Variants in IFT52 observed in about 807,000 individuals in gnomAD.
The protein encoded by IFT52 is intraflagellar transport protein 52 homolog.
In IFT52, 44 loss-of-function variants were observed where a neutral mutation model predicts 54.4. The ratio of observed to expected loss-of-function variants is 0.81; its 90% confidence interval spans 0.63 to 1.04. The LOEUF (loss-of-function observed/expected upper bound fraction) is 1.04. Among genes scored for constraint, IFT52 ranks in the 50% least tolerant of loss-of-function variants. IFT52 has a pLI of 0.00. For synonymous variants in IFT52, 181 were observed against 185.3 expected, an observed-to-expected ratio of 0.98 and a Z score of 0.19; for missense variants, 452 against 523.6, an observed-to-expected ratio of 0.86 and a Z score of 1.33.
At chr20:43,617,735 C>T (rs1042020122) in intron 7 of IFT52, among the ~76,000 whole-genome samples, 4 of 152,034 alleles carry the variant, frequency 2.6e-5, no homozygotes, top group Admixed American at 2.6e-4. Context: ...TGAGCCACTG[C>T]GCCCAGCCTT....
intron 1 of IFT52, among the ~76,000 whole-genome samples, chr20:43,592,346 A>T (rs1278657501): frequency 6.6e-6 from 1 of 152,074 alleles, no homozygotes; most frequent in Non-Finnish European, 1.5e-5. Flanking sequence ...AAGGAAAAAA[A>T]AAAGGAATGA....
chr20:43,646,963 G>A lies in IFT52; in HGVS notation c.1294G>A (p.Ala432Thr). 3 of 1,613,794 alleles carry A rather than the reference G, an allele frequency of 1.9e-6. No individual in the cohort carries two copies. The highest frequency in any genetic ancestry group is 2.5e-6 in the Non-Finnish European group (3 of 1,179,762). Reference sequence around the variant, plus strand: ...ACATGACATCGATACAAGTGAAACAGCATTCCAGAACAATTTCTGAAGACC... The same window carrying A: ...ACATGACATCGATACAAGTGAAACAACATTCCAGAACAATTTCTGAAGACC... Reference protein sequence around the residue: ...QEHDIDTSETAFQNNF With the variant: ...QEHDIDTSETTFQNNF Residue 432 changes from alanine (A) to threonine (T), a missense_variant, in exon 14 of 14, where the codon GCA becomes ACA. Physicochemically the swap from Ala to Thr is moderately conservative, Grantham distance 58. Transcript: ENST00000373030.
At chr20:43,610,392 G>T (rs530653554) in intron 6 of IFT52, among the ~76,000 whole-genome samples, 2 of 151,918 alleles carry the variant, frequency 1.3e-5, no homozygotes, top group Non-Finnish European at 2.9e-5. Flanking sequence ...TCATAAGGGG[G>T]AATATGTATA....
intron 9 of IFT52, among the ~76,000 whole-genome samples, chr20:43,621,938 T>C (rs1984331434): frequency 1.3e-5 from 2 of 152,260 alleles, no homozygotes; most frequent in African/African-American, 2.4e-5. Context: ...CATGGTCTTA[T>C]TCTCATTTTA....
intron 1 of IFT52, among the ~76,000 whole-genome samples, chr20:43,592,034 T>G (rs1264124626): frequency 6.6e-6 from 1 of 152,102 alleles, no homozygotes; most frequent in Non-Finnish European, 1.5e-5. Context: ...TGAATTGGGG[T>G]CAGGCAGCTT....
chr20:43,598,184 GAC>G (rs996405925), intron 3 of IFT52, among the ~76,000 whole-genome samples: 7 of 152,136 alleles, frequency 4.6e-5, no homozygotes, highest in African/African-American at 1.7e-4. Flanking sequence ...AAATAAGGCA[GAC>G]ACAAAAAGAC....
chr20:43,626,654 A>T (rs1358520737), intron 10 of IFT52, among the ~76,000 whole-genome samples: 1 of 150,482 alleles, frequency 6.6e-6, no homozygotes, highest in Non-Finnish European at 1.5e-5. Flanking sequence ...ACAATAGATG[A>T]TGTATGAGTT....
chr20:43,605,254 A>G, intron 6 of IFT52, 181 bp downstream of exon 6: 4 of 1,372,336 alleles, frequency 2.9e-6, no homozygotes, highest in East Asian at 3.1e-5. Flanking sequence ...TAGTCTTAAT[A>G]TAGTATTTAG....
At chr20:43,617,754 T>A (rs1343360207) in intron 7 of IFT52, among the ~76,000 whole-genome samples, 3 of 151,814 alleles carry the variant, frequency 2.0e-5, no homozygotes, top group African/African-American at 7.3e-5. Context: ...TTGCCTTAGC[T>A]TTCTTTGAGA....
At chr20:43,646,676 G>A (rs960348301) in intron 13 of IFT52, among the ~76,000 whole-genome samples, 1 of 152,120 alleles carries the variant, frequency 6.6e-6, no homozygotes, top group Non-Finnish European at 1.5e-5. Flanking sequence ...AAGAAGTCTG[G>A]TGTGGTCTTT....
chr20:43,613,365 T>C (rs1315726256), intron 6 of IFT52, among the ~76,000 whole-genome samples: 2 of 152,250 alleles, frequency 1.3e-5, no homozygotes, highest in Non-Finnish European at 2.9e-5. Context: ...TCACTTACAC[T>C]TTCCTGTTAA....
intron 6 of IFT52, among the ~76,000 whole-genome samples, chr20:43,607,019 A>G (rs998074619): frequency 2.6e-5 from 4 of 152,138 alleles, no homozygotes; most frequent in African/African-American, 4.8e-5. Context: ...CGATTTCTCA[A>G]TCTTTTCCCC....
intron 6 of IFT52, among the ~76,000 whole-genome samples, chr20:43,608,756 A>C (rs1983179295): frequency 6.6e-6 from 1 of 151,868 alleles, no homozygotes; most frequent in Admixed American, 6.6e-5. Flanking sequence ...AAATACAAAA[A>C]TTTAGCCGGT....
At chr20:43,612,037 T>TAAA (rs775090948) in intron 6 of IFT52, among the ~76,000 whole-genome samples, 1 of 150,754 alleles carries the variant, frequency 6.6e-6, no homozygotes, top group Admixed American at 6.6e-5. Context: ...TCTCGAAAAA[T>TAAA]AATAATAATA....
rs140116564 is a variant in IFT52, at chr20:43,646,948, G to A, written c.1279G>A (p.Asp427Asn). ...TTCTCTCATCCAGGAACATGACATC[G>A]ATACAAGTGAAACAGCATTCCAGAA... is the stretch of plus-strand genomic sequence containing the variant. ...FKKLNQEHDI[D>N]TSETAFQNNF The change falls in exon 14 of 14, where the codon GAT (aspartate) becomes AAT (asparagine). Residue 427 changes from aspartate to asparagine, a missense_variant. By Grantham distance (23) the Asp-to-Asn change is conservative (BLOSUM62 1). Transcript: ENST00000373030. The A allele has an allele frequency of 2.2e-4, 348 of 1,613,670 alleles. 1 individual carries two copies. The highest frequency in any genetic ancestry group is 2.8e-4 in the Admixed American group (17 of 60,014).
intron 3 of IFT52, among the ~76,000 whole-genome samples, chr20:43,598,962 A>G (rs1434237054): frequency 6.6e-6 from 1 of 152,032 alleles, no homozygotes; most frequent in Non-Finnish European, 1.5e-5. Flanking sequence ...TGCCATGGGG[A>G]AGAGGTCCAC....
intron 12 of IFT52, among the ~76,000 whole-genome samples, chr20:43,639,727 T>C (rs1024435533): frequency 1.3e-5 from 2 of 151,938 alleles, no homozygotes; most frequent in African/African-American, 4.8e-5. Context: ...TATTCCTAGC[T>C]ACTTGGAAGG....
chr20:43,596,637 T>C, intron 3 of IFT52, 115 bp downstream of exon 3: 1 of 692,528 alleles, frequency 1.4e-6, no homozygotes, highest in South Asian at 1.8e-5. Context: ...GGTAGTCACT[T>C]CATCTCTCTT....
intron 10 of IFT52, among the ~76,000 whole-genome samples, chr20:43,635,381 C>G (rs1258161158): frequency 6.6e-6 from 1 of 152,068 alleles, no homozygotes; most frequent in Non-Finnish European, 1.5e-5. Flanking sequence ...ACCTCCGCCT[C>G]TTTGGTTCAA....
Sources: allele counts gnomAD v4.1 joint callset (sites outside exome capture counted in the v4.1 genomes callset), GRCh38; gene constraint gnomAD v4.1.1; transcripts MANE v1.5; gene names NCBI Gene and HGNC (gene_info 2026-07-23, HGNC 2026-07-21).